PKNOX2: variants seen among roughly 807,000 people sequenced by gnomAD.
PKNOX2 encodes the protein homeobox protein PKNOX2.
A neutral mutation model predicts 53.1 loss-of-function variants in PKNOX2; 14 were observed. The observed-to-expected ratio is 0.26, with a 90% CI of 0.17 to 0.41. The LOEUF is 0.41. PKNOX2 is among the 10% of genes least tolerant of loss of function. The probability of loss-of-function intolerance (pLI) is 1.00; values close to 1 mark genes in which losing one functional copy is unlikely to be tolerated. For missense variants in PKNOX2, 496 were observed against 602.8 expected, an observed-to-expected ratio of 0.82 and a Z score of 1.85; for synonymous variants, 257 against 242.8, an observed-to-expected ratio of 1.06 and a Z score of -0.54.
chr11:125,403,950 G>A (rs1954911884), intron 7 of PKNOX2, among the ~76,000 whole-genome samples: 2 of 152,204 alleles, frequency 1.3e-5, no homozygotes, highest in Admixed American at 6.5e-5. Flanking sequence ...ATCCCCACCT[G>A]AGAAGGGTGG....
At chr11:125,254,519 A>G (rs1357816034) in intron 2 of PKNOX2, among the ~76,000 whole-genome samples, 1 of 152,236 alleles carries the variant, frequency 6.6e-6, no homozygotes, top group African/African-American at 2.4e-5. Flanking sequence ...CAAGTGGCTT[A>G]CCATTCTGAG....
intron 6 of PKNOX2, among the ~76,000 whole-genome samples, chr11:125,391,204 A>C (rs967934093): frequency 6.6e-6 from 1 of 152,210 alleles, no homozygotes; most frequent in Admixed American, 6.5e-5. Context: ...GGGTTCCGTA[A>C]TCTCTGAGCC....
At chr11:125,373,216 A>G (rs1160862338) in intron 5 of PKNOX2, among the ~76,000 whole-genome samples, 1 of 152,226 alleles carries the variant, frequency 6.6e-6, no homozygotes, top group African/African-American at 2.4e-5. Context: ...TGTTTTCTCA[A>G]CTATCAAAAA....
At position 125,298,922 on chromosome 11, in the gene PKNOX2, C is replaced by T. The variant is rs550304874; in HGVS notation, c.-129-32897C>T. 2.3e-4 allele frequency among the ~76,000 whole-genome samples: 35 copies of T among 152,214 alleles called. No homozygotes were observed. The South Asian group carries it at 7.1e-3, about 31-fold the overall frequency. ...CCTGTCACCTTTCTCCAGATCAAGCCCTGTGTTAGGCTATTCTTGCATTGC... is the reference window on the plus strand; with the variant it reads ...CCTGTCACCTTTCTCCAGATCAAGCTCTGTGTTAGGCTATTCTTGCATTGC... On this transcript the variant is annotated intron_variant, in intron 2 of 12. Coordinates refer to ENST00000298282, the MANE Select transcript of PKNOX2 (RefSeq NM_001382323.2).
intron 1 of PKNOX2, among the ~76,000 whole-genome samples, chr11:125,196,046 C>A (rs1192215929): frequency 6.6e-6 from 1 of 152,116 alleles, no homozygotes; most frequent in Admixed American, 6.5e-5. Flanking sequence ...GCTGGGGAAC[C>A]AGCATTCTGC....
In PKNOX2 at chr11:125,433,380, C is replaced by A. The variant is rs1956782637; in HGVS notation, c.*1988C>A. On this transcript the variant is annotated 3_prime_UTR_variant, in exon 13 of 13. Transcript: ENST00000298282. Reference sequence around the variant, plus strand: ...GAGACGTTTTCAGTAAATCTTATTACCTACCGTAACCCTGGTGCACAATTC... The same window carrying A: ...GAGACGTTTTCAGTAAATCTTATTAACTACCGTAACCCTGGTGCACAATTC... 1 of 152,692 alleles carries A rather than the reference C, an allele frequency of 6.5e-6. No individual in the cohort carries two copies. The highest frequency in any genetic ancestry group is 1.5e-5 in the Non-Finnish European group (1 of 68,060). The allele number at this position is 152,692 out of a possible 1,614,324, so 9.5% of individuals were successfully genotyped here. A position where few individuals can be genotyped will look rare whatever the true frequency, so the allele number is the denominator to read the frequency against.
chr11:125,357,653 G>A (rs1307352631), intron 4 of PKNOX2, among the ~76,000 whole-genome samples: 1 of 152,140 alleles, frequency 6.6e-6, no homozygotes, highest in Non-Finnish European at 1.5e-5. Context: ...GTCTTAGTTG[G>A]TCTTCAGAAA....
intron 7 of PKNOX2, among the ~76,000 whole-genome samples, chr11:125,407,844 G>A (rs1955211184): frequency 6.6e-6 from 1 of 152,182 alleles, no homozygotes; most frequent in Admixed American, 6.5e-5. Flanking sequence ...AGGCTGGGAT[G>A]TTGGAACAAG....
chr11:125,275,773 A>G (rs1308527953), intron 2 of PKNOX2, among the ~76,000 whole-genome samples: 3 of 152,204 alleles, frequency 2.0e-5, no homozygotes, highest in Non-Finnish European at 4.4e-5. Context: ...TCTGTTTTGA[A>G]TACGCCAAGC....
intron 1 of PKNOX2, among the ~76,000 whole-genome samples, chr11:125,193,678 G>C (rs1957007855): frequency 6.6e-6 from 1 of 152,194 alleles, no homozygotes; most frequent in African/African-American, 2.4e-5. Flanking sequence ...TCAGTGCAGA[G>C]AGGGGCATTG....
intron 1 of PKNOX2, among the ~76,000 whole-genome samples, chr11:125,233,326 A>G (rs1942390554): frequency 1.3e-5 from 2 of 152,218 alleles, no homozygotes. Context: ...GCTCCATGTA[A>G]TTTAATCTAG....
intron 1 of PKNOX2, among the ~76,000 whole-genome samples, chr11:125,193,846 A>C (rs596137): frequency 0.7 from 107,031 of 152,064 alleles, 37,832 homozygotes; most frequent in African/African-American, 0.75. Context: ...GAGCACATTC[A>C]AGAACTGCTG....
At chr11:125,305,481 C>T (rs1948376996) in intron 2 of PKNOX2, among the ~76,000 whole-genome samples, 1 of 152,216 alleles carries the variant, frequency 6.6e-6, no homozygotes, top group Non-Finnish European at 1.5e-5. Context: ...CACCCCCTAC[C>T]TGCCCCAGGT....
At chr11:125,232,642 A>G (rs1942310101) in intron 1 of PKNOX2, among the ~76,000 whole-genome samples, 1 of 152,224 alleles carries the variant, frequency 6.6e-6, no homozygotes, top group Non-Finnish European at 1.5e-5. Context: ...AGTTCCTAAA[A>G]TATGATGCTA....
At chr11:125,298,035 C>G (rs1049495540) in intron 2 of PKNOX2, among the ~76,000 whole-genome samples, 1 of 152,162 alleles carries the variant, frequency 6.6e-6, no homozygotes, top group African/African-American at 2.4e-5. Context: ...GAGCCTGTGC[C>G]AGAGAGGAAA....
intron 1 of PKNOX2, among the ~76,000 whole-genome samples, chr11:125,222,725 GTA>G (rs1192950682): frequency 2.0e-5 from 3 of 150,144 alleles, no homozygotes; most frequent in Admixed American, 6.6e-5. Flanking sequence ...ATGTGTGTGT[GTA>G]TGTGTGTGTG....
chr11:125,171,205 T>G (rs1406698254), intron 1 of PKNOX2, among the ~76,000 whole-genome samples: 1 of 152,222 alleles, frequency 6.6e-6, no homozygotes, highest in Non-Finnish European at 1.5e-5. Context: ...TGGGCAGGTG[T>G]CCTGCCTTGC....
intron 2 of PKNOX2, among the ~76,000 whole-genome samples, chr11:125,272,914 C>G (rs759902664): frequency 1.3e-5 from 2 of 152,228 alleles, no homozygotes; most frequent in South Asian, 2.1e-4. Context: ...CACTGACTGT[C>G]GGGTCTGGCC....
intron 1 of PKNOX2, among the ~76,000 whole-genome samples, chr11:125,170,847 CAG>C (rs1471668205): frequency 6.9e-6 from 1 of 145,888 alleles, no homozygotes; most frequent in Non-Finnish European, 1.5e-5. Flanking sequence ...GGGCCCAGAG[CAG>C]ACTCTGGAGA....
Sources: allele counts gnomAD v4.1 joint callset (sites outside exome capture counted in the v4.1 genomes callset), GRCh38; gene constraint gnomAD v4.1.1; transcripts MANE v1.5; gene names NCBI Gene and HGNC (gene_info 2026-07-23, HGNC 2026-07-21).